The following HLF variants were observed in gnomAD, a reference collection of about 807,000 sequenced individuals.
HLF encodes the protein HLF transcription factor, PAR bZIP family member.
A neutral mutation model predicts 22.6 loss-of-function variants in HLF; 3 were observed. The observed-to-expected ratio is 0.13, with a 90% CI of 0.06 to 0.34. The LOEUF is 0.34. Among genes scored for constraint, HLF ranks in the 10% least tolerant of loss-of-function variants. The probability of loss-of-function intolerance (pLI) is 1.00; values close to 1 mark genes in which losing one functional copy is unlikely to be tolerated. For missense variants in HLF, 299 were observed against 389.2 expected (o/e 0.77, Z 1.95); for synonymous variants, 151 against 151.8 (o/e 0.99, Z 0.04).
chr17:55,299,551 A>G (rs954970071), intron 2 of HLF, among the ~76,000 whole-genome samples: 3 of 152,164 alleles, frequency 2.0e-5, no homozygotes, highest in Non-Finnish European at 2.9e-5. Flanking sequence ...GCTCTTATGA[A>G]CACTTCTAAC....
At chr17:55,310,156 C>T (rs554200952) in intron 2 of HLF, among the ~76,000 whole-genome samples, 1 of 152,268 alleles carries the variant, frequency 6.6e-6, no homozygotes, top group Admixed American at 6.5e-5. Flanking sequence ...CCCTTTGTTC[C>T]ACCCTTTCCT....
intron 3 of HLF, among the ~76,000 whole-genome samples, chr17:55,317,481 C>A (rs1043248264): frequency 1.6e-4 from 24 of 152,204 alleles, no homozygotes; most frequent in African/African-American, 5.3e-4. Flanking sequence ...CAGACAAAAA[C>A]CGTCTGTGCT....
At position 55,322,566 on chromosome 17, in the gene HLF, C is replaced by T. The variant is rs988572328; in HGVS notation, c.*1687C>T. The T allele has an allele frequency of 9.2e-6, 2 of 216,512 alleles. No homozygotes were observed. Among genetic ancestry groups the T allele is most frequent in the Admixed American group, 5.8e-5 (1 of 17,176 alleles). 13.4% of individuals were successfully genotyped at this position (216,512 alleles called of 1,614,324 possible). A position where few individuals can be genotyped will look rare whatever the true frequency, so the allele number is the denominator to read the frequency against. ...TTAAATTAAAATTTTATGACAGTAT[C>T]GAGGCTTGTGATGACGAATCCTGCT... On this transcript the variant is annotated 3_prime_UTR_variant, in exon 4 of 4. Transcript: ENST00000226067.
At chr17:55,304,963 A>G (rs1904475478) in intron 2 of HLF, among the ~76,000 whole-genome samples, 1 of 152,250 alleles carries the variant, frequency 6.6e-6, no homozygotes, top group South Asian at 2.1e-4. Context: ...GACAGGCCCA[A>G]GGAAAGGGGC....
At chr17:55,276,807 T>A (rs1458920953) in intron 2 of HLF, among the ~76,000 whole-genome samples, 1 of 152,128 alleles carries the variant, frequency 6.6e-6, no homozygotes, top group African/African-American at 2.4e-5. Context: ...GGAAAGTGCA[T>A]GTGAACATTT....
At position 55,314,129 on chromosome 17, in the gene HLF, C is replaced by T. The variant is rs529597934; in HGVS notation, c.452-1098C>T. On this transcript the variant is annotated intron_variant, in intron 2 of 3. Coordinates refer to ENST00000226067, the MANE Select transcript of HLF (RefSeq NM_002126.5). Reference sequence around the variant, plus strand: ...AGTGATTGTAAAATTCAGATGAAAACTAGAAGTTAAAATTCAGAGCTCCCA... The same window carrying T: ...AGTGATTGTAAAATTCAGATGAAAATTAGAAGTTAAAATTCAGAGCTCCCA... 2.3e-4 allele frequency among the ~76,000 whole-genome samples: 35 copies of T among 152,188 alleles called. 1 individual carries two copies. The South Asian group carries it at 4.1e-3, about 18-fold the overall frequency.
At chr17:55,289,948 C>T (rs962564670) in intron 2 of HLF, among the ~76,000 whole-genome samples, 6 of 152,174 alleles carry the variant, frequency 3.9e-5, no homozygotes, top group South Asian at 2.1e-4. Context: ...TAGAATTCTG[C>T]GTTCCCTTTG....
chr17:55,267,001 C>A (rs2080798161), intron 1 of HLF: 1 of 170,396 alleles, frequency 5.9e-6, no homozygotes, highest in South Asian at 1.9e-4. Context: ...GAAGAAAACA[C>A]TTTGTATTTT....
At chr17:55,296,882 C>T (rs1339826638) in intron 2 of HLF, among the ~76,000 whole-genome samples, 1 of 150,918 alleles carries the variant, frequency 6.6e-6, no homozygotes, top group East Asian at 1.9e-4. Flanking sequence ...TTCAGATCTT[C>T]TGGGTGAGGT....
At chr17:55,314,738 G>A (rs542879254) in intron 2 of HLF, among the ~76,000 whole-genome samples, 2 of 152,220 alleles carry the variant, frequency 1.3e-5, no homozygotes, top group South Asian at 4.2e-4. Flanking sequence ...GTCATCTCTA[G>A]GAAATGCTCC....
Position 55,322,105 on chromosome 17 carries a change from C to T in HLF, c.*1226C>T. ...TTGAATGCCTCATAAATTAATGATT[C>T]TGAAGCTTATGTTTCTTATTCTCTG... On this transcript the variant is annotated 3_prime_UTR_variant, in exon 4 of 4. Transcript: ENST00000226067. 1 of 207,392 alleles carries T rather than the reference C, an allele frequency of 4.8e-6. No individual in the cohort carries two copies. The highest frequency in any genetic ancestry group is 9.8e-6 in the Non-Finnish European group (1 of 101,542). 12.8% of individuals were successfully genotyped at this position (207,392 alleles called of 1,614,324 possible). A position where few individuals can be genotyped will look rare whatever the true frequency, so the allele number is the denominator to read the frequency against.
At position 55,305,571 on chromosome 17, in the gene HLF, G is replaced by C. The variant is rs572298075; in HGVS notation, c.452-9656G>C. On this transcript the variant is annotated intron_variant, in intron 2 of 3. Coordinates refer to ENST00000226067, the MANE Select transcript of HLF (RefSeq NM_002126.5). ...CAGAAAGAGCGTGGGCTATGGTTGA[G>C]CCCACTGGAGTCTGCACTCCACCCA... 1.4e-4 allele frequency among the ~76,000 whole-genome samples: 21 copies of C among 152,344 alleles called. No individual in the cohort carries two copies. The East Asian group carries it at 3.9e-3, about 28-fold the overall frequency.
At position 55,320,786 on chromosome 17, in the gene HLF, G is replaced by A. The variant is rs1250368958; in HGVS notation, c.795G>A (p.Ser265=). 3 of 1,613,926 alleles carry A rather than the reference G, an allele frequency of 1.9e-6. No individual in the cohort carries two copies. The highest frequency in any genetic ancestry group is 4.5e-5 in the East Asian group (2 of 44,852). The change falls in exon 4 of 4, where the codon TCG becomes TCA. Residue 265 remains serine (S), a synonymous_variant. Coordinates refer to ENST00000226067, the MANE Select transcript of HLF (RefSeq NM_002126.5). This position sits in a 1 kb window ranked among gnomAD's most constrained non-coding sequence, Gnocchi z 4.2. The part of the protein sequence containing the change: ...IRASFLEKEN[S]ALRQEVADLR... The stretch of plus-strand genomic sequence containing the variant: ...CCTCGTTCCTGGAGAAGGAGAACTC[G>A]GCCCTCCGCCAGGAGGTGGCTGACT...
chr17:55,304,980 C>A (rs373018558), intron 2 of HLF, among the ~76,000 whole-genome samples: 28 of 152,360 alleles, frequency 1.8e-4, no homozygotes, highest in Middle Eastern at 3.4e-3. Flanking sequence ...GGGCTCAGGC[C>A]AGAGTGGGAG....
chr17:55,285,602 A>G (rs118163090), intron 2 of HLF, among the ~76,000 whole-genome samples: 1 of 152,102 alleles, frequency 6.6e-6, no homozygotes, highest in Non-Finnish European at 1.5e-5. Flanking sequence ...CAGTCTAGAG[A>G]TCACATTTTA....
chr17:55,292,464 A>G (rs2145333972), intron 2 of HLF, among the ~76,000 whole-genome samples: 1 of 152,342 alleles, frequency 6.6e-6, no homozygotes, highest in East Asian at 1.9e-4. Context: ...TTCTTAAGGC[A>G]TGTACATTGT....
At chr17:55,289,979 A>T (rs1478156519) in intron 2 of HLF, among the ~76,000 whole-genome samples, 1 of 152,186 alleles carries the variant, frequency 6.6e-6, no homozygotes, top group African/African-American at 2.4e-5. Context: ...GTTGGAGAGA[A>T]GGGGGCTCAC....
chr17:55,274,419 T>G (rs1451413386), intron 2 of HLF, among the ~76,000 whole-genome samples: 2 of 152,192 alleles, frequency 1.3e-5, no homozygotes, highest in Non-Finnish European at 1.5e-5. Context: ...TTATAGTATT[T>G]GGCCCTCCCC....
At chr17:55,284,250 A>G (rs1025653102) in intron 2 of HLF, among the ~76,000 whole-genome samples, 1 of 152,186 alleles carries the variant, frequency 6.6e-6, no homozygotes, top group East Asian at 1.9e-4. Context: ...TTGAGCACTT[A>G]CTGTGTGCTC....
Sources: gnomAD v4.1 joint callset for allele counts (sites outside exome capture counted in the v4.1 genomes callset) on GRCh38, gnomAD v4.1.1 for gene constraint, Gnocchi (gnomAD v3.1) non-coding constraint, MANE v1.5 for transcripts, NCBI Gene and HGNC (gene_info 2026-07-23, HGNC 2026-07-21) for gene names.